The following SHLD1 variants were observed in gnomAD, a reference collection of about 807,000 sequenced individuals.
The protein encoded by SHLD1 is shieldin complex subunit 1.
SHLD1 carries 3 observed loss-of-function variants against 5.5 expected under a neutral mutation model. That is an observed-to-expected ratio of 0.54 (90% CI 0.25 to 1.40). The LOEUF (loss-of-function observed/expected upper bound fraction) is 1.40, where lower values mean the gene tolerates loss of function less well. Ranked by LOEUF, SHLD1 falls within the 40% of genes most tolerant of loss-of-function variation. The pLI is 0.15. For missense variants in SHLD1, 210 were observed against 244.4 expected (o/e 0.86, Z 0.94); for synonymous variants, 92 against 94.3 (o/e 0.98, Z 0.14).
At chr20:5,754,959 G>A (rs886269656) in intron 1 of SHLD1, among the ~76,000 whole-genome samples, 5 of 152,120 alleles carry the variant, frequency 3.3e-5, no homozygotes, top group African/African-American at 9.7e-5. Flanking sequence ...GGGAGGCTGA[G>A]GCAGGAGAAT....
intron 1 of SHLD1, among the ~76,000 whole-genome samples, chr20:5,752,490 G>A (rs113952708): frequency 6.6e-6 from 1 of 151,970 alleles, no homozygotes; most frequent in African/African-American, 2.4e-5. Context: ...TCTGGGAAAG[G>A]CCTAGAAAAG....
rs908935983 is a variant in SHLD1 at position 5,766,612 on chromosome 20, A to G, written c.-4-6250A>G. On this transcript the variant is annotated intron_variant, in intron 1 of 2. Transcript: ENST00000303142. ...CTCTCTGTGTCTGAGTCTGACTGTTAAAGAGGGTACTGATAGGATTACCTG... is the reference window on the plus strand; with the variant it reads ...CTCTCTGTGTCTGAGTCTGACTGTTGAAGAGGGTACTGATAGGATTACCTG... Among the ~76,000 whole-genome samples, 6 of 152,066 alleles carry G rather than the reference A, an allele frequency of 3.9e-5. No individual in the cohort carries two copies. The South Asian group carries it at 6.2e-4, about 16-fold the overall frequency.
chr20:5,778,603 T>TAA (rs1568498024), intron 2 of SHLD1, among the ~76,000 whole-genome samples: 122 of 107,930 alleles, frequency 1.1e-3, no homozygotes, highest in Middle Eastern at 5.4e-3. Flanking sequence ...CAAGACCTTG[T>TAA]CAAAAAAAAA....
chr20:5,850,220 G>A (rs2087990631), intron 2 of SHLD1, among the ~76,000 whole-genome samples: 1 of 151,244 alleles, frequency 6.6e-6, no homozygotes, highest in Admixed American at 6.6e-5. Flanking sequence ...TTGAGTACCA[G>A]TCCCTCTAGT....
At chr20:5,764,344 G>A (rs971016482) in intron 1 of SHLD1, among the ~76,000 whole-genome samples, 32 of 150,070 alleles carry the variant, frequency 2.1e-4, no homozygotes, top group Non-Finnish European at 4.0e-4. Flanking sequence ...CTCCACAAAT[G>A]AGTATGGTTC....
intron 2 of SHLD1, among the ~76,000 whole-genome samples, chr20:5,849,100 G>T (rs778362271): frequency 6.6e-6 from 1 of 152,192 alleles, no homozygotes; most frequent in African/African-American, 2.4e-5. Context: ...TATATGAATC[G>T]TGGAAGGCAG....
chr20:5,771,697 C>A (rs1016972933), intron 1 of SHLD1, among the ~76,000 whole-genome samples: 18 of 151,838 alleles, frequency 1.2e-4, no homozygotes, highest in Non-Finnish European at 2.2e-4. Flanking sequence ...TCACTACAAC[C>A]TCCGTGTGGC....
At chr20:5,788,882 A>G (rs1204812438) in intron 2 of SHLD1, among the ~76,000 whole-genome samples, 1 of 152,352 alleles carries the variant, frequency 6.6e-6, no homozygotes, top group Admixed American at 6.5e-5. Flanking sequence ...CTGTAATCCC[A>G]GCACTTTGGG....
chr20:5,790,032 A>C (rs2087116381), intron 2 of SHLD1, among the ~76,000 whole-genome samples: 1 of 152,178 alleles, frequency 6.6e-6, no homozygotes, highest in Non-Finnish European at 1.5e-5. Context: ...CTGCTGAGTG[A>C]GAGCTCTGTG....
chr20:5,754,725 G>C (rs1983965043), intron 1 of SHLD1, among the ~76,000 whole-genome samples: 1 of 152,166 alleles, frequency 6.6e-6, no homozygotes, highest in Admixed American at 6.6e-5. Context: ...TTGGCAATTG[G>C]TTGCTTTGCC....
intron 2 of SHLD1, among the ~76,000 whole-genome samples, chr20:5,851,394 G>A (rs1228492206): frequency 3.9e-5 from 6 of 151,948 alleles, no homozygotes; most frequent in African/African-American, 1.5e-4. Flanking sequence ...AGGAGGCTGA[G>A]GTGGGAGGAT....
In SHLD1 at chr20:5,806,776, A is replaced by G. The variant is rs1452403210; in HGVS notation, c.178+33733A>G. On this transcript the variant is annotated intron_variant, in intron 2 of 2. Coordinates refer to ENST00000303142, the MANE Select transcript of SHLD1 (RefSeq NM_152504.4). This position sits in a 1 kb window ranked among gnomAD's most constrained non-coding sequence, Gnocchi z 7.6. ...GTTAAGATACCAACATTTCTTATTTACATCCTGTGTTGTTGTTTCTCCGCA... is the reference window on the plus strand; with the variant it reads ...GTTAAGATACCAACATTTCTTATTTGCATCCTGTGTTGTTGTTTCTCCGCA... 6.6e-6 allele frequency among the ~76,000 whole-genome samples: 1 copy of G among 152,182 alleles called. No individual in the cohort carries two copies. Among genetic ancestry groups the G allele is most frequent in the Non-Finnish European group, 1.5e-5 (1 of 68,032 alleles).
intron 2 of SHLD1, among the ~76,000 whole-genome samples, chr20:5,833,258 A>G (rs753898775): frequency 1.1e-4 from 17 of 152,154 alleles, no homozygotes; most frequent in Non-Finnish European, 2.4e-4. Context: ...GTTTTTTAAT[A>G]TCTTAACTTT....
intron 2 of SHLD1, among the ~76,000 whole-genome samples, chr20:5,773,653 T>C (rs1985293403): frequency 6.6e-6 from 1 of 152,154 alleles, no homozygotes. Context: ...ATTTATTCAT[T>C]TATTTCTTGT....
intron 2 of SHLD1, among the ~76,000 whole-genome samples, chr20:5,839,179 CT>C (rs1444965503): frequency 6.6e-6 from 1 of 152,224 alleles, no homozygotes; most frequent in Non-Finnish European, 1.5e-5. Flanking sequence ...CCTTCCAAAA[CT>C]GGCAGATTTG....
intron 2 of SHLD1, among the ~76,000 whole-genome samples, chr20:5,776,303 G>A (rs1985425077): frequency 6.6e-6 from 1 of 152,196 alleles, no homozygotes; most frequent in African/African-American, 2.4e-5. Context: ...AGGCTGGAAA[G>A]TCTAAGGTCA....
intron 2 of SHLD1, among the ~76,000 whole-genome samples, chr20:5,821,121 G>A (rs140977046): frequency 6.6e-6 from 1 of 152,316 alleles, no homozygotes; most frequent in African/African-American, 2.4e-5. Context: ...AAAATTTATA[G>A]ATCCATCAAT....
intron 2 of SHLD1, among the ~76,000 whole-genome samples, chr20:5,811,670 C>T (rs952414356): frequency 6.6e-6 from 1 of 151,972 alleles, no homozygotes; most frequent in Non-Finnish European, 1.5e-5. Flanking sequence ...GCCTGGGGAA[C>T]ATAGTGAGAC....
At chr20:5,844,815 GAC>G (rs2087913046) in intron 2 of SHLD1, among the ~76,000 whole-genome samples, 2 of 86,752 alleles carry the variant, frequency 2.3e-5, no homozygotes, top group South Asian at 3.9e-4. Flanking sequence ...TTTTTTTTGA[GAC>G]ACAGTCTCAC....
Sources: gnomAD v4.1 joint callset for allele counts (sites outside exome capture counted in the v4.1 genomes callset) on GRCh38, gnomAD v4.1.1 for gene constraint, Gnocchi (gnomAD v3.1) non-coding constraint, MANE v1.5 for transcripts, NCBI Gene and HGNC (gene_info 2026-07-23, HGNC 2026-07-21) for gene names.